The following JAK3 variants were observed in gnomAD, a reference collection of about 807,000 sequenced individuals.
JAK3 encodes tyrosine-protein kinase JAK3.
In JAK3, 88 loss-of-function variants were observed where a neutral mutation model predicts 120.8. That is an observed-to-expected ratio of 0.73 (90% CI 0.61 to 0.87). The LOEUF is 0.87. JAK3 is among the 40% of genes least tolerant of loss of function. The pLI is 0.00. For synonymous variants in JAK3, 592 were observed against 628.6 expected, an observed-to-expected ratio of 0.94 and a Z score of 0.87; for missense variants, 1,254 against 1,501.4, an observed-to-expected ratio of 0.84 and a Z score of 2.72.
chr19:17,839,815 A>T (rs917141779), intron 9 of JAK3, 152 bp from the exon 10 acceptor site: 4 of 700,570 alleles, frequency 5.7e-6, no homozygotes, highest in Non-Finnish European at 9.4e-6. Context: ...ACCTTGGCTC[A>T]CTGCAACCTC....
rs1024457488 is a variant in JAK3 at position 17,842,709 on chromosome 19, G to T, written c.567-99C>A. 18 of 1,249,506 alleles carry T rather than the reference G, an allele frequency of 1.4e-5. No individual in the cohort carries two copies. The highest frequency in any genetic ancestry group is 2.5e-4 in the Middle Eastern group (1 of 3,992). 77.4% of individuals were successfully genotyped at this position (1,249,506 alleles called of 1,614,324 possible). A position where few individuals can be genotyped will look rare whatever the true frequency, so the allele number is the denominator to read the frequency against. On this transcript the variant is annotated intron_variant, in intron 5 of 23. Coordinates refer to ENST00000458235, the MANE Select transcript of JAK3 (RefSeq NM_000215.4). The surrounding 1 kb of genome is among the most constrained non-coding windows in gnomAD (Gnocchi z 6.4). ...GGCTTTAGCCCAGGGGCTGGGGTGC[G>T]GCCCTAGTTGGGGCACCAGGCACAC...
chr19:17,838,006 C>G lies in JAK3; in HGVS notation c.1627G>C (p.Val543Leu). Residue 543 changes from valine to leucine, a missense_variant, in exon 12 of 24, where the codon GTG becomes CTG. By Grantham distance (32) the Val-to-Leu change is conservative. Around this residue, in one of 3 missense-constraint regions of JAK3, gnomAD observed 630 missense variants for 819.8 expected, o/e 0.77. Transcript: ENST00000458235. ...TKIYRGCRHE[V>L]VDGEARKTEV... is the part of the protein sequence containing the mutation. Reference sequence around the variant, plus strand: ...GTCTTTCGGGCCTCCCCATCCACCACCTCATGGCGACAGCCCCGGTAAATC... The same window carrying G: ...GTCTTTCGGGCCTCCCCATCCACCAGCTCATGGCGACAGCCCCGGTAAATC... The G allele has an allele frequency of 6.2e-7, 1 of 1,614,130 alleles. No homozygotes were observed. The highest frequency in any genetic ancestry group is 1.7e-5 in the Admixed American group (1 of 60,004).
At position 17,835,180 on chromosome 19, in the gene JAK3, G is replaced by T. The variant is rs1463814248; in HGVS notation, c.1950C>A (p.Ala650=). ...DKGLPHGNVS[A]RKVLLAREGA... is the part of the protein sequence containing the mutation. ...CCTCCCGAGCCAGGAGCACCTTCCG[G>T]GCAGAGACATTGCCATGGGGCAGGC... The change falls in exon 15 of 24, where the codon GCC becomes GCA. Residue 650 remains alanine, a synonymous_variant. Transcript: ENST00000458235. 1 of 1,614,066 alleles carries T rather than the reference G, an allele frequency of 6.2e-7. No homozygotes were observed. The highest frequency in any genetic ancestry group is 1.3e-5 in the African/African-American group (1 of 74,936).
chr19:17,832,988 A>C lies in JAK3; in HGVS notation c.2351-59T>G. Reference sequence around the variant, plus strand: ...CCTCTCATCCTGGGCCCCACTCCTGAGTTGACTTGCTGTGCAACCTCCATC... The same window carrying C: ...CCTCTCATCCTGGGCCCCACTCCTGCGTTGACTTGCTGTGCAACCTCCATC... On this transcript the variant is annotated intron_variant, in intron 17 of 23. Transcript: ENST00000458235. The surrounding 1 kb of genome is among the most constrained non-coding windows in gnomAD (Gnocchi z 4.7). 3.2e-6 allele frequency: 5 copies of C among 1,570,944 alleles called. No individual in the cohort carries two copies. Among genetic ancestry groups the C allele is most frequent in the Non-Finnish European group, 4.3e-6 (5 of 1,157,548 alleles).
At chr19:17,827,632 C>T (rs1416740170) in intron 23 of JAK3, among the ~76,000 whole-genome samples, 1 of 148,822 alleles carries the variant, frequency 6.7e-6, no homozygotes, top group Admixed American at 6.8e-5. Context: ...CAGGTGTGAG[C>T]CACCGCGCCC....
In JAK3 at chr19:17,831,714, T is replaced by C. The variant is rs2147676781; in HGVS notation, c.2765A>G (p.Asp922Gly). ...DFLQRHRARL[D>G]ASRLLLYSSQ... ...GGAATAGAGAAGGAGGCGGCTGGCATCGAGGCGCGCGCGGTGCCGCTGCAG... is the reference window on the plus strand; with the variant it reads ...GGAATAGAGAAGGAGGCGGCTGGCACCGAGGCGCGCGCGGTGCCGCTGCAG... The change falls in exon 20 of 24, where the codon GAT becomes GGT. Residue 922 changes from aspartate to glycine, a missense_variant. Transcript: ENST00000458235. This position sits in a 1 kb window ranked among gnomAD's most constrained non-coding sequence, Gnocchi z 5.1. 5 of 1,611,300 alleles carry C rather than the reference T, an allele frequency of 3.1e-6. No individual in the cohort carries two copies. The highest frequency in any genetic ancestry group is 4.2e-6 in the Non-Finnish European group (5 of 1,179,332).
intron 1 of JAK3, among the ~76,000 whole-genome samples, chr19:17,846,633 G>A (rs2094252761): frequency 6.6e-6 from 1 of 152,232 alleles, no homozygotes; most frequent in Non-Finnish European, 1.5e-5. Flanking sequence ...CACCCAGGCT[G>A]GAGTGCAGTC....
chr19:17,828,227 TTG>T (rs564360773), intron 23 of JAK3, among the ~76,000 whole-genome samples: 1,472 of 64,948 alleles, frequency 0.023, 19 homozygotes, highest in Middle Eastern at 0.056. Context: ...AATTTTGTCT[TTG>T]TTTTGTTTTG....
In JAK3 at chr19:17,831,235, T is replaced by C. The variant is rs2094213980; in HGVS notation, c.2971A>G (p.Ile991Val). Residue 991 changes from isoleucine to valine, a missense_variant, in exon 21 of 24, where the codon ATT becomes GTT. This residue lies in a region of JAK3 where 630 missense variants were observed against 819.8 expected (regional missense o/e 0.77). Transcript: ENST00000458235. This position sits in a 1 kb window ranked among gnomAD's most constrained non-coding sequence, Gnocchi z 5.1. ...YVVREPGQSP[I>V]FWYAPESLSD... ...TAGGCGCGGGTTCCCCACCAGAAAA[T>C]GGGGCTCTGGCCTGGCTCGCGGACC... 1.9e-6 allele frequency: 3 copies of C among 1,611,934 alleles called. No individual in the cohort carries two copies. Among genetic ancestry groups the C allele is most frequent in the Admixed American group, 3.3e-5 (2 of 59,934 alleles).
chr19:17,834,356 AAAAT>A (rs751242728), intron 17 of JAK3, among the ~76,000 whole-genome samples: 37 of 152,158 alleles, frequency 2.4e-4, no homozygotes, highest in Non-Finnish European at 4.1e-4. Context: ...CTCTGTCTCA[AAAAT>A]AAATAAATAA....
At position 17,831,623 on chromosome 19, in the gene JAK3, C is replaced by T; in HGVS notation, c.2805+51G>A. The T allele has an allele frequency of 6.3e-7, 1 of 1,581,700 alleles. No individual in the cohort carries two copies. The highest frequency in any genetic ancestry group is 8.6e-7 in the Non-Finnish European group (1 of 1,166,120). On this transcript the variant is annotated intron_variant, in intron 20 of 23. Transcript: ENST00000458235. The surrounding 1 kb of genome is among the most constrained non-coding windows in gnomAD (Gnocchi z 5.1). ...ACCGCGACCTCCAAGCAGACCCCTG[C>T]CCAGGCCGTGCCAGCTGAATCCCCA... is the stretch of plus-strand genomic sequence containing the variant.
intron 12 of JAK3, 102 bp downstream of exon 12, chr19:17,837,830 G>T: frequency 6.5e-7 from 1 of 1,533,080 alleles, no homozygotes; most frequent in Admixed American, 1.7e-5. Context: ...ACAGGCATGA[G>T]CCACCACGCC....
chr19:17,826,365 A>G lies in JAK3; in HGVS notation c.*378T>C, dbSNP rs2094203909. ...GCACCACTGCACTCCACCCTGGGTA[A>G]CAGAGCGAGGCTCTGTCTCAAAAAT... On this transcript the variant is annotated 3_prime_UTR_variant, in exon 24 of 24. Transcript: ENST00000458235. 3 of 266,236 alleles carry G rather than the reference A, an allele frequency of 1.1e-5. No individual in the cohort carries two copies. Among genetic ancestry groups the G allele is most frequent in the Non-Finnish European group, 2.2e-5 (3 of 135,290 alleles). 16.5% of individuals were successfully genotyped at this position (266,236 alleles called of 1,614,324 possible). A position where few individuals can be genotyped will look rare whatever the true frequency, so the allele number is the denominator to read the frequency against.
At chr19:17,840,898 G>A (rs1425472002) in intron 8 of JAK3, among the ~76,000 whole-genome samples, 2 of 152,056 alleles carry the variant, frequency 1.3e-5, no homozygotes, top group Non-Finnish European at 1.5e-5. Context: ...GCTCACTGCA[G>A]CCTCCAACTC....
intron 9 of JAK3, 28 bp downstream of exon 9, chr19:17,840,202 C>A (rs769418887): frequency 1.3e-6 from 2 of 1,501,158 alleles, no homozygotes; most frequent in East Asian, 2.3e-5. Flanking sequence ...AGGCAGCCCT[C>A]CACTACCCAC....
rs1164255676 is a variant in JAK3 at position 17,847,979 on chromosome 19, G to A, written c.-47C>T. On this transcript the variant is annotated 5_prime_UTR_variant, in exon 1 of 24. Coordinates refer to ENST00000458235, the MANE Select transcript of JAK3 (RefSeq NM_000215.4). ...CAGGGACCCTGGACTTTCGAAGGGC[G>A]GGCAGAGCCGGGAGGCAGCGAGAGG... is the stretch of plus-strand genomic sequence containing the variant. 6 of 1,040,030 alleles carry A rather than the reference G, an allele frequency of 5.8e-6. No homozygotes were observed. Among genetic ancestry groups the A allele is most frequent in the East Asian group, 5.8e-5 (1 of 17,336 alleles). The allele number at this position is 1,040,030 out of a possible 1,614,324, so 64.4% of individuals were successfully genotyped here.
Position 17,841,411 on chromosome 19 carries a change from C to A in JAK3, c.1120G>T (p.Glu374Ter). 1.3e-6 allele frequency: 2 copies of A among 1,552,138 alleles called. No homozygotes were observed. The highest frequency in any genetic ancestry group is 1.7e-6 in the Non-Finnish European group (2 of 1,148,534). Residue 374 changes from glutamate to a stop codon, truncating the protein, a stop_gained, in exon 8 of 24, where the codon GAG becomes TAG. Coordinates refer to ENST00000458235, the MANE Select transcript of JAK3 (RefSeq NM_000215.4). LOFTEE classifies it high-confidence loss of function. The surrounding 1 kb of genome is among the most constrained non-coding windows in gnomAD (Gnocchi z 4.1). ...APPRLLEEVA[E>*]QCHGPITLDF... ...TACGTGATGGGGCCGTGGCACTGCT[C>A]GGCCACTTCCTCCAGCAGCCTCGGC...
chr19:17,828,147 G>A (rs1004436512), intron 23 of JAK3, among the ~76,000 whole-genome samples: 3 of 152,068 alleles, frequency 2.0e-5, no homozygotes, highest in Non-Finnish European at 4.4e-5. Context: ...CCCGTAAGAG[G>A]CCCTCTTTGA....
chr19:17,841,876 C>T lies in JAK3; in HGVS notation c.862-114G>A. 2 of 1,472,502 alleles carry T rather than the reference C, an allele frequency of 1.4e-6. No individual in the cohort carries two copies. Among genetic ancestry groups the T allele is most frequent in the African/African-American group, 1.4e-5 (1 of 72,290 alleles). The allele number at this position is 1,472,502 out of a possible 1,614,324, so 91.2% of individuals were successfully genotyped here. ...CTCCCTATCCCTTTGCCATTCAACC[C>T]TTCCAAGCCGCGCCCCCTCCTATCA... is the stretch of plus-strand genomic sequence containing the variant. On this transcript the variant is annotated intron_variant, in intron 6 of 23. Transcript: ENST00000458235. The surrounding 1 kb of genome is among the most constrained non-coding windows in gnomAD (Gnocchi z 4.1).
Sources: allele counts gnomAD v4.1 joint callset (sites outside exome capture counted in the v4.1 genomes callset), GRCh38; gene constraint gnomAD v4.1.1; regional missense constraint gnomAD v4.1.1; non-coding constraint Gnocchi (gnomAD v3.1); transcripts MANE v1.5; gene names NCBI Gene and HGNC (gene_info 2026-07-23, HGNC 2026-07-21).